MIPEP: variants seen among roughly 807,000 people sequenced by gnomAD.
The protein encoded by MIPEP is mitochondrial intermediate peptidase.
In MIPEP, 79 loss-of-function variants were observed where a neutral mutation model predicts 90.3. The ratio of observed to expected loss-of-function variants is 0.87; its 90% CI spans 0.73 to 1.05. The LOEUF (loss-of-function observed/expected upper bound fraction) is 1.05. MIPEP is among the 50% of genes least tolerant of loss of function. The pLI, the probability that MIPEP is intolerant of heterozygous loss-of-function variation, is 0.00. For missense variants in MIPEP, 940 were observed against 905.6 expected (o/e 1.04, Z -0.49); for synonymous variants, 334 against 315.8 (o/e 1.06, Z -0.61).
At chr13:23,821,077 CTG>C (rs1953300007) in intron 14 of MIPEP, among the ~76,000 whole-genome samples, 1 of 152,190 alleles carries the variant, frequency 6.6e-6, no homozygotes, top group Admixed American at 6.5e-5. Flanking sequence ...GATTCCCACT[CTG>C]TTATTTTTTC....
At position 23,768,397 on chromosome 13, in the gene MIPEP, C is replaced by A. The variant is rs549859029; in HGVS notation, c.1849-8180G>T. Among the ~76,000 whole-genome samples, 65 of 152,292 alleles carry A rather than the reference C, an allele frequency of 4.3e-4. 1 individual carries two copies. Among genetic ancestry groups the A allele is most frequent in the African/African-American group, 1.5e-3 (61 of 41,562 alleles). Reference sequence around the variant, plus strand: ...TACAGCTGAAAAGAAAGTTCTTACACAAGCTATGTTAAGTAAATACTATAG... The same window carrying A: ...TACAGCTGAAAAGAAAGTTCTTACAAAAGCTATGTTAAGTAAATACTATAG... On this transcript the variant is annotated intron_variant, in intron 16 of 18. Coordinates refer to ENST00000382172, the MANE Select transcript of MIPEP (RefSeq NM_005932.4).
intron 16 of MIPEP, among the ~76,000 whole-genome samples, chr13:23,766,569 G>GCT (rs74336959): frequency 4.7e-5 from 7 of 150,386 alleles, no homozygotes; most frequent in Non-Finnish European, 5.9e-5. Context: ...ACACATCCAT[G>GCT]CTCTCTCTCT....
chr13:23,873,622 G>A (rs953108896), intron 5 of MIPEP, among the ~76,000 whole-genome samples: 5 of 152,314 alleles, frequency 3.3e-5, no homozygotes, highest in Non-Finnish European at 5.9e-5. Flanking sequence ...AGAACAGCCC[G>A]GGTGTTTGGT....
At position 23,841,184 on chromosome 13, in the gene MIPEP, G is replaced by T. The variant is rs1040826388; in HGVS notation, c.1260+151C>A. On this transcript the variant is annotated intron_variant, in intron 11 of 18. Transcript: ENST00000382172. ...CTTTATACAGTGTCTTAAATCAGAA[G>T]TGCAATTTGGATTTTTTTTGTGAAG... 4.6e-6 allele frequency: 3 copies of T among 647,410 alleles called. No homozygotes were observed. In the African/African-American group the frequency reaches 5.5e-5, roughly 12 times the overall value. The allele number at this position is 647,410 out of a possible 1,614,324, so 40.1% of individuals were successfully genotyped here.
chr13:23,797,934 C>G (rs118005170), intron 16 of MIPEP, among the ~76,000 whole-genome samples: 1 of 152,088 alleles, frequency 6.6e-6, no homozygotes, highest in African/African-American at 2.4e-5. Context: ...GACAGGACAG[C>G]CAGATATAAT....
chr13:23,779,755 A>G (rs1158752406), intron 16 of MIPEP, among the ~76,000 whole-genome samples: 1 of 152,164 alleles, frequency 6.6e-6, no homozygotes, highest in Non-Finnish European at 1.5e-5. Context: ...GATCACTCCC[A>G]CCCTAATACT....
intron 14 of MIPEP, among the ~76,000 whole-genome samples, chr13:23,812,539 G>T (rs1441578686): frequency 1.3e-5 from 2 of 152,000 alleles, no homozygotes; most frequent in African/African-American, 4.8e-5. Flanking sequence ...TGGCCAAAGG[G>T]ACCCCAGAGA....
chr13:23,833,734 T>TA (rs928356523), intron 14 of MIPEP, among the ~76,000 whole-genome samples: 2 of 152,060 alleles, frequency 1.3e-5, no homozygotes, highest in Admixed American at 6.5e-5. Context: ...ATTTTACTTT[T>TA]AAAAAAATGA....
At chr13:23,731,588 G>A (rs1456767896) in intron 18 of MIPEP, among the ~76,000 whole-genome samples, 2 of 152,142 alleles carry the variant, frequency 1.3e-5, no homozygotes, top group Non-Finnish European at 2.9e-5. Context: ...AGTAGGTATA[G>A]TTTCTTAGGA....
At chr13:23,765,510 T>C (rs556786800) in intron 16 of MIPEP, among the ~76,000 whole-genome samples, 1 of 152,336 alleles carries the variant, frequency 6.6e-6, no homozygotes, top group South Asian at 2.1e-4. Context: ...GTACTATCTG[T>C]AGCTTCAGGC....
intron 16 of MIPEP, among the ~76,000 whole-genome samples, chr13:23,795,863 A>T (rs1355945611): frequency 6.8e-6 from 1 of 146,602 alleles, no homozygotes; most frequent in Non-Finnish European, 1.5e-5. Flanking sequence ...GGGTGTGGTG[A>T]TGAGCGCCTG....
chr13:23,791,481 A>G lies in MIPEP; in HGVS notation c.1848+14469T>C, dbSNP rs528764563. On this transcript the variant is annotated intron_variant, in intron 16 of 18. Coordinates refer to ENST00000382172, the MANE Select transcript of MIPEP (RefSeq NM_005932.4). ...GATTGACTGAGCAAAGCCCCGGAAG[A>G]GGACTTCCACAACACCATCTACCCA... Among the ~76,000 whole-genome samples the G allele has an allele frequency of 3.9e-5, 6 of 152,284 alleles. No homozygotes were observed. The East Asian group carries it at 1.2e-3, about 29-fold the overall frequency.
intron 14 of MIPEP, among the ~76,000 whole-genome samples, chr13:23,820,826 A>G (rs563621083): frequency 1.3e-5 from 2 of 152,330 alleles, no homozygotes; most frequent in Admixed American, 6.5e-5. Flanking sequence ...ATGAAAGCAC[A>G]CTAATTTGCC....
chr13:23,736,957 C>G (rs1952271622), intron 18 of MIPEP, among the ~76,000 whole-genome samples: 1 of 152,188 alleles, frequency 6.6e-6, no homozygotes, highest in South Asian at 2.1e-4. Context: ...TCTTAAAGCG[C>G]TATGATATAT....
intron 14 of MIPEP, among the ~76,000 whole-genome samples, chr13:23,811,543 G>C (rs1241726541): frequency 6.6e-6 from 1 of 152,174 alleles, no homozygotes; most frequent in African/African-American, 2.4e-5. Flanking sequence ...CTAAACAATA[G>C]ATACACTTAA....
At chr13:23,772,251 T>C (rs2138533628) in intron 16 of MIPEP, among the ~76,000 whole-genome samples, 1 of 152,112 alleles carries the variant, frequency 6.6e-6, no homozygotes, top group African/African-American at 2.4e-5. Flanking sequence ...TGATCAATCC[T>C]CCCTGATTGT....
chr13:23,865,675 T>A (rs74850318), intron 7 of MIPEP, among the ~76,000 whole-genome samples: 1 of 151,700 alleles, frequency 6.6e-6, no homozygotes, highest in Non-Finnish European at 1.5e-5. Flanking sequence ...TCAATTAATT[T>A]TTTTTTTTTT....
At chr13:23,748,473 A>G (rs1244276103) in intron 18 of MIPEP, among the ~76,000 whole-genome samples, 1 of 152,204 alleles carries the variant, frequency 6.6e-6, no homozygotes, top group African/African-American at 2.4e-5. Flanking sequence ...TATGAAGCAA[A>G]AACAAAGCAG....
chr13:23,873,905 A>G (rs569700595), intron 5 of MIPEP, among the ~76,000 whole-genome samples: 3 of 152,300 alleles, frequency 2.0e-5, no homozygotes, highest in African/African-American at 7.2e-5. Flanking sequence ...CAGGAATCAC[A>G]TGCTGAACCT....
Sources: allele counts gnomAD v4.1 joint callset (sites outside exome capture counted in the v4.1 genomes callset), GRCh38; gene constraint gnomAD v4.1.1; transcripts MANE v1.5; gene names NCBI Gene and HGNC (gene_info 2026-07-23, HGNC 2026-07-21).